The following COL5A1 variants were observed in gnomAD, a reference collection of about 807,000 sequenced individuals.
The protein encoded by COL5A1 is collagen alpha-1(V) chain.
Under a neutral mutation model 263.7 loss-of-function variants are expected in COL5A1, and 16 were observed. The observed-to-expected ratio is 0.06, with a 90% CI of 0.04 to 0.09. COL5A1 has a LOEUF of 0.09. COL5A1 is among the 10% of genes least tolerant of loss of function. The pLI is 1.00. For synonymous variants in COL5A1, 1,012 were observed against 1,004.5 expected (o/e 1.01, Z -0.14); for missense variants, 2,036 against 2,540.5 (o/e 0.80, Z 4.27).
At chr9:134,803,034 C>A in intron 39 of COL5A1, 39 bp downstream of exon 39, 1 of 1,488,678 alleles carries the variant, frequency 6.7e-7, no homozygotes. Flanking sequence ...TCAGGCGTTT[C>A]CTCAGGAATC....
intron 4 of COL5A1, among the ~76,000 whole-genome samples, chr9:134,714,826 ATGG>A: frequency 5.3e-5 from 1 of 19,046 alleles, no homozygotes; most frequent in South Asian, 2.0e-3. Flanking sequence ...GGAGGCGATG[ATGG>A]TGGTGGTGGT....
chr9:134,779,969 G>A (rs562206312), intron 27 of COL5A1, 133 bp from the exon 28 acceptor site: 2 of 948,992 alleles, frequency 2.1e-6, no homozygotes, highest in African/African-American at 3.2e-5. Context: ...ATGGGAGGAA[G>A]TGTGTTGAGG....
At position 134,805,226 on chromosome 9, in the gene COL5A1, C is replaced by T; in HGVS notation, c.3258+12C>T. The T allele has an allele frequency of 6.2e-7, 1 of 1,613,756 alleles. No homozygotes were observed. Among genetic ancestry groups the T allele is most frequent in the Non-Finnish European group, 8.5e-7 (1 of 1,179,954 alleles). ...CACCAGGCCCTGCGGTGAGTCAAAG[C>T]CTTTGTCCCATCCTCTTTCTTGAAT... On this transcript the variant is annotated intron_variant, in intron 41 of 65. Transcript: ENST00000371817.
In COL5A1 at chr9:134,681,062, G is replaced by A. The variant is rs968005349; in HGVS notation, c.110-9850G>A. On this transcript the variant is annotated intron_variant, in intron 1 of 65. Transcript: ENST00000371817. This position sits in a 1 kb window ranked among gnomAD's most constrained non-coding sequence, Gnocchi z 4.3. ...CCCTGCCCCTTTGCTTTGCTCCCTGGTTTAGTCATTGAGGAAGAATTTCAG... is the reference window on the plus strand; with the variant it reads ...CCCTGCCCCTTTGCTTTGCTCCCTGATTTAGTCATTGAGGAAGAATTTCAG... 6.6e-6 allele frequency among the ~76,000 whole-genome samples: 1 copy of A among 152,154 alleles called. No individual in the cohort carries two copies. Among genetic ancestry groups the A allele is most frequent in the African/African-American group, 2.4e-5 (1 of 41,442 alleles).
chr9:134,834,919 G>C, intron 64 of COL5A1, 52 bp from the exon 65 acceptor site: 1 of 1,322,708 alleles, frequency 7.6e-7, no homozygotes. Flanking sequence ...GTGGGGCTTT[G>C]TTGCTGTGTG....
chr9:134,718,411 G>T (rs752403031), intron 4 of COL5A1, among the ~76,000 whole-genome samples: 1 of 152,252 alleles, frequency 6.6e-6, no homozygotes, highest in Non-Finnish European at 1.5e-5. Flanking sequence ...TTATCAGAGC[G>T]AGGGATGGCA....
At chr9:134,746,369 T>A (rs538504219) in intron 11 of COL5A1, among the ~76,000 whole-genome samples, 20 of 152,306 alleles carry the variant, frequency 1.3e-4, no homozygotes, top group African/African-American at 4.8e-4. Flanking sequence ...CTCCCAAACC[T>A]GCCACCACCA....
chr9:134,830,005 C>G lies in COL5A1; in HGVS notation c.5097C>G (p.Asn1699Lys), dbSNP rs138396959. The change falls in exon 64 of 66, where the codon AAC (asparagine) becomes AAG (lysine). Residue 1699 changes from asparagine to lysine, a missense_variant. Asn to Lys is a moderately conservative substitution (Grantham distance 94). Around this residue, in one of 3 missense-constraint regions of COL5A1, gnomAD observed 358 missense variants for 384.6 expected, o/e 0.93. Coordinates refer to ENST00000371817, the MANE Select transcript of COL5A1 (RefSeq NM_000093.5). ...GARITSWPKE[N>K]PGSWFSEFKR... ...GAATCACTTCTTGGCCCAAAGAAAA[C>G]CCGGGCTCCTGGTTCAGTGAATTCA... The G allele has an allele frequency of 5.1e-5, 83 of 1,613,820 alleles. No homozygotes were observed. Among genetic ancestry groups the G allele is most frequent in the Non-Finnish European group, 6.9e-5 (82 of 1,179,976 alleles).
At chr9:134,822,299 C>T (rs2132875128) in intron 59 of COL5A1, 149 bp downstream of exon 59, 1 of 681,486 alleles carries the variant, frequency 1.5e-6, no homozygotes. Flanking sequence ...CCCATTAACT[C>T]AACATTGGGG....
At chr9:134,708,993 C>T (rs1209929562) in intron 4 of COL5A1, 2 of 456,058 alleles carry the variant, frequency 4.4e-6, no homozygotes, top group Admixed American at 2.4e-5. Flanking sequence ...CTCTGTGTGA[C>T]CCACAAGGAC....
chr9:134,667,038 A>G (rs949157586), intron 1 of COL5A1, among the ~76,000 whole-genome samples: 1 of 152,162 alleles, frequency 6.6e-6, no homozygotes, highest in Admixed American at 6.5e-5. Flanking sequence ...TCTAGACATT[A>G]TGTTTCAGTC....
intron 65 of COL5A1, among the ~76,000 whole-genome samples, chr9:134,837,103 C>T (rs924226336): frequency 6.6e-5 from 10 of 152,182 alleles, no homozygotes; most frequent in African/African-American, 2.4e-4. Flanking sequence ...CACTGCAAGC[C>T]CTGGATGAGC....
At chr9:134,792,406 C>T (rs956268903) in intron 32 of COL5A1, among the ~76,000 whole-genome samples, 3 of 152,154 alleles carry the variant, frequency 2.0e-5, no homozygotes, top group African/African-American at 4.8e-5. Flanking sequence ...GACAGAGTCT[C>T]GCTCTGTCAC....
At chr9:134,655,686 C>T (rs1831947236) in intron 1 of COL5A1, among the ~76,000 whole-genome samples, 1 of 152,090 alleles carries the variant, frequency 6.6e-6, no homozygotes, top group Admixed American at 6.5e-5. Context: ...GTCTGCTGAG[C>T]CCATGGAATT....
Position 134,731,621 on chromosome 9 carries a change from C to G in COL5A1, c.1290C>G (p.Ile430Met), listed in dbSNP as rs572136244. The G allele has an allele frequency of 3.1e-6, 5 of 1,614,104 alleles. No homozygotes were observed. In the African/African-American group the frequency reaches 4.0e-5, roughly 13 times the overall value. ...YYDPTSSPSE[I>M]GPGMPANQDT... ...ACCCCACCAGCTCCCCGTCGGAGAT[C>G]GGGCCGGGAATGCCGGCGAACCAGG... Residue 430 changes from isoleucine to methionine, a missense_variant, in exon 8 of 66, where the codon ATC (isoleucine) becomes ATG (methionine). Coordinates refer to ENST00000371817, the MANE Select transcript of COL5A1 (RefSeq NM_000093.5).
Position 134,822,981 on chromosome 9 carries a change from CCCT to C in COL5A1, c.4609-12_4609-10del. On this transcript the variant is annotated splice_polypyrimidine_tract_variant and intron_variant, in intron 59 of 65. Coordinates refer to ENST00000371817, the MANE Select transcript of COL5A1 (RefSeq NM_000093.5). ...TGAGACCCGGCTTGCTGACGTTCTG[CCCT>C]CCTCTCTCTGCAGGGTCCGCCTGGT... 2.5e-6 allele frequency: 4 copies of C among 1,614,038 alleles called. No homozygotes were observed. The highest frequency in any genetic ancestry group is 3.4e-6 in the Non-Finnish European group (4 of 1,179,988).
chr9:134,828,848 T>C (rs1443996560), intron 63 of COL5A1, among the ~76,000 whole-genome samples: 6 of 146,260 alleles, frequency 4.1e-5, no homozygotes, highest in Admixed American at 4.1e-4. Flanking sequence ...GATACACCCA[T>C]AACACACTAC....
chr9:134,692,330 C>T (rs1564391423), intron 2 of COL5A1, among the ~76,000 whole-genome samples: 1 of 152,190 alleles, frequency 6.6e-6, no homozygotes, highest in Non-Finnish European at 1.5e-5. Context: ...CTCAGACAGC[C>T]TGTCCCCGCA....
chr9:134,794,963 C>A lies in COL5A1; in HGVS notation c.2701-119C>A. The A allele has an allele frequency of 4.5e-6, 5 of 1,122,520 alleles. No individual in the cohort carries two copies. Among genetic ancestry groups the A allele is most frequent in the Non-Finnish European group, 6.7e-6 (5 of 750,420 alleles). The allele number at this position is 1,122,520 out of a possible 1,614,324, so 69.5% of individuals were successfully genotyped here. ...ACGGAAAAGGTGGGTGGCGGGGAGG[C>A]CCAGGTTCCTCCTATCCTGCTCTGA... On this transcript the variant is annotated intron_variant, in intron 32 of 65. Transcript: ENST00000371817. This position sits in a 1 kb window ranked among gnomAD's most constrained non-coding sequence, Gnocchi z 4.3.
Sources: allele counts gnomAD v4.1 joint callset (sites outside exome capture counted in the v4.1 genomes callset), GRCh38; gene constraint gnomAD v4.1.1; regional missense constraint gnomAD v4.1.1; non-coding constraint Gnocchi (gnomAD v3.1); transcripts MANE v1.5; gene names NCBI Gene and HGNC (gene_info 2026-07-23, HGNC 2026-07-21).